The following ELP4 variants were observed in gnomAD, a reference collection of about 807,000 sequenced individuals.
The protein encoded by ELP4 is elongator acetyltransferase complex subunit 4, also known as elongator complex protein 4.
Under a neutral mutation model 48.9 loss-of-function variants are expected in ELP4, and 51 were observed. The ratio of observed to expected loss-of-function variants is 1.04; its 90% confidence interval spans 0.83 to 1.32. The LOEUF is 1.32. Among genes scored for constraint, ELP4 ranks in the 40% most tolerant of loss-of-function variants. The pLI is 0.00. For missense variants in ELP4, 519 were observed against 514.6 expected, an observed-to-expected ratio of 1.01 and a Z score of -0.08; for synonymous variants, 210 against 189.2, an observed-to-expected ratio of 1.11 and a Z score of -0.90.
At chr11:31,574,826 C>T (rs908806525) in intron 3 of ELP4, among the ~76,000 whole-genome samples, 3 of 152,212 alleles carry the variant, frequency 2.0e-5, no homozygotes, top group Admixed American at 1.3e-4. Flanking sequence ...CCACAAATAT[C>T]TGGAGAAACC....
intron 2 of ELP4, among the ~76,000 whole-genome samples, chr11:31,520,745 A>T (rs575072536): frequency 6.6e-6 from 1 of 152,036 alleles, no homozygotes; most frequent in Non-Finnish European, 1.5e-5. Context: ...TTTTCACGTG[A>T]CACCCTTAAA....
At chr11:31,748,793 C>T (rs1947654390) in intron 9 of ELP4, among the ~76,000 whole-genome samples, 1 of 151,854 alleles carries the variant, frequency 6.6e-6, no homozygotes, top group African/African-American at 2.4e-5. Context: ...CACTTGAGGC[C>T]AGGAGTTCAA....
chr11:31,741,421 G>A (rs1328398613), intron 9 of ELP4, among the ~76,000 whole-genome samples: 2 of 152,202 alleles, frequency 1.3e-5, no homozygotes, highest in Non-Finnish European at 2.9e-5. Flanking sequence ...CACGCAGCTT[G>A]AGATCTGAGA....
chr11:31,560,755 C>G (rs1016109140), intron 3 of ELP4, among the ~76,000 whole-genome samples: 1 of 61,290 alleles, frequency 1.6e-5, no homozygotes, highest in Admixed American at 1.7e-4. Flanking sequence ...TATATATATA[C>G]GTACAGTCAT....
At chr11:31,773,480 G>A (rs1369392023) in intron 9 of ELP4, among the ~76,000 whole-genome samples, 1 of 152,292 alleles carries the variant, frequency 6.6e-6, no homozygotes, top group East Asian at 1.9e-4. Flanking sequence ...TTGAACACAT[G>A]TATGGGGCTG....
Position 31,787,196 on chromosome 11 carries a change from C to T in ELP4, c.*3672C>T, listed in dbSNP as rs1324895710. On this transcript the variant is annotated 3_prime_UTR_variant, in exon 10 of 10. Coordinates refer to ENST00000640961, the MANE Select transcript of ELP4 (RefSeq NM_019040.5). The stretch of plus-strand genomic sequence containing the variant: ...GGCAAGGCAGCCGTTCCCATCCTGC[C>T]GGACCAGAGGGCTTCTGCAGCTGAG... 1.3e-5 allele frequency: 3 copies of T among 232,592 alleles called. No homozygotes were observed. Among genetic ancestry groups the T allele is most frequent in the Non-Finnish European group, 1.7e-5 (2 of 117,762 alleles). 14.4% of individuals were successfully genotyped at this position (232,592 alleles called of 1,614,324 possible).
intron 4 of ELP4, among the ~76,000 whole-genome samples, chr11:31,602,502 G>A (rs1019316954): frequency 1.1e-4 from 17 of 151,922 alleles, no homozygotes; most frequent in African/African-American, 4.1e-4. Flanking sequence ...ATGAAAGTAA[G>A]TAGTACCTTA....
At chr11:31,608,635 G>T (rs971011910) in intron 5 of ELP4, among the ~76,000 whole-genome samples, 1 of 152,062 alleles carries the variant, frequency 6.6e-6, no homozygotes, top group African/African-American at 2.4e-5. Flanking sequence ...GAGCAGGAGG[G>T]ACTCTGGTTG....
At chr11:31,755,977 A>T (rs940664969) in intron 9 of ELP4, among the ~76,000 whole-genome samples, 13 of 152,202 alleles carry the variant, frequency 8.5e-5, no homozygotes, top group Non-Finnish European at 1.3e-4. Context: ...TTTTTGGTAG[A>T]TCCTCTGAAT....
intron 1 of ELP4, among the ~76,000 whole-genome samples, chr11:31,518,128 C>G (rs1164543651): frequency 1.4e-5 from 2 of 145,868 alleles, no homozygotes; most frequent in Non-Finnish European, 3.0e-5. Context: ...TTTTTTGAGA[C>G]AGAGTTTCGC....
chr11:31,699,835 C>T (rs982907475), intron 9 of ELP4, among the ~76,000 whole-genome samples: 1 of 151,994 alleles, frequency 6.6e-6, no homozygotes, highest in Non-Finnish European at 1.5e-5. Flanking sequence ...TAGTGGTTTC[C>T]CTGCCCAAAA....
At chr11:31,744,457 T>A (rs1371760583) in intron 9 of ELP4, among the ~76,000 whole-genome samples, 1 of 152,158 alleles carries the variant, frequency 6.6e-6, no homozygotes, top group Admixed American at 6.5e-5. Flanking sequence ...TTTTGACCAA[T>A]ATCCTTGATG....
At chr11:31,702,146 G>T (rs969796675) in intron 9 of ELP4, among the ~76,000 whole-genome samples, 1 of 151,900 alleles carries the variant, frequency 6.6e-6, no homozygotes, top group Non-Finnish European at 1.5e-5. Context: ...GATTAAACAA[G>T]TAATTAGACT....
chr11:31,532,535 A>T (rs1311309231), intron 2 of ELP4, among the ~76,000 whole-genome samples: 1 of 152,160 alleles, frequency 6.6e-6, no homozygotes, highest in Non-Finnish European at 1.5e-5. Flanking sequence ...TTAATTATCT[A>T]CGAGTACATA....
chr11:31,573,532 G>C (rs1027507214), intron 3 of ELP4: 1 of 152,084 alleles, frequency 6.6e-6, no homozygotes, highest in African/African-American at 2.4e-5. Flanking sequence ...TCTCTTCCTG[G>C]CTTGTAGACT....
At chr11:31,743,809 T>C (rs1400348966) in intron 9 of ELP4, among the ~76,000 whole-genome samples, 2 of 151,752 alleles carry the variant, frequency 1.3e-5, no homozygotes, top group Non-Finnish European at 2.9e-5. Context: ...AGATCTAAAA[T>C]TGACACCCTA....
rs1944760277 is a variant in ELP4 at position 31,627,087 on chromosome 11, T to G, written c.654-23T>G. The stretch of plus-strand genomic sequence containing the variant: ...TTATGTAATAACCCATTTATGTATT[T>G]GAACCACTTCTTTTACCAACAGTTC... On this transcript the variant is annotated intron_variant, in intron 5 of 9. Coordinates refer to ENST00000640961, the MANE Select transcript of ELP4 (RefSeq NM_019040.5). The G allele has an allele frequency of 5.4e-6, 8 of 1,484,908 alleles. No homozygotes were observed. The East Asian group carries it at 1.6e-4, about 30-fold the overall frequency. 92.0% of individuals were successfully genotyped at this position (1,484,908 alleles called of 1,614,324 possible).
At chr11:31,530,409 AG>A (rs1355236199) in intron 2 of ELP4, among the ~76,000 whole-genome samples, 1 of 152,216 alleles carries the variant, frequency 6.6e-6, no homozygotes, top group African/African-American at 2.4e-5. Context: ...CTAAAGAAAC[AG>A]GAGAAAAGTT....
chr11:31,766,822 TG>T (rs1948051957), intron 9 of ELP4, among the ~76,000 whole-genome samples: 1 of 152,160 alleles, frequency 6.6e-6, no homozygotes, highest in South Asian at 2.1e-4. Flanking sequence ...GGTAAATGTT[TG>T]ATGTATTTGC....
Sources: allele counts gnomAD v4.1 joint callset (sites outside exome capture counted in the v4.1 genomes callset), GRCh38; gene constraint gnomAD v4.1.1; transcripts MANE v1.5; gene names NCBI Gene and HGNC (gene_info 2026-07-23, HGNC 2026-07-21).